PDE4D: variants seen among roughly 807,000 people sequenced by gnomAD.
PDE4D encodes phosphodiesterase 4D, also known as 3',5'-cyclic-AMP phosphodiesterase 4D.
A neutral mutation model predicts 87.4 loss-of-function variants in PDE4D; 24 were observed. The observed-to-expected ratio is 0.27, with a 90% CI of 0.20 to 0.39. The LOEUF (loss-of-function observed/expected upper bound fraction) is 0.39. Among genes scored for constraint, PDE4D ranks in the 10% least tolerant of loss-of-function variants. The pLI is 1.00. For missense variants in PDE4D, 714 were observed against 1,041.0 expected (o/e 0.69, Z 4.32); for synonymous variants, 384 against 383.2 (o/e 1.00, Z -0.02).
At chr5:60,089,818 G>C (rs1304571824) in intron 2 of PDE4D, among the ~76,000 whole-genome samples, 1 of 149,252 alleles carries the variant, frequency 6.7e-6, no homozygotes, top group Non-Finnish European at 1.5e-5. Flanking sequence ...AATAAAGTCA[G>C]AGATGAAAAA....
intron 1 of PDE4D, among the ~76,000 whole-genome samples, chr5:59,425,464 T>C (rs779928663): frequency 7.2e-5 from 11 of 152,102 alleles, no homozygotes; most frequent in Non-Finnish European, 1.0e-4. Context: ...TTCCCACTTA[T>C]TACAATAAAA....
rs1207988214 is a variant in PDE4D at position 60,160,775 on chromosome 5, C to T, written c.42+24782G>A. The T allele has an allele frequency of 2.7e-5, 12 of 447,228 alleles. No individual in the cohort carries two copies. The East Asian group carries it at 7.9e-4, about 29-fold the overall frequency. 27.7% of individuals were successfully genotyped at this position (447,228 alleles called of 1,614,324 possible). ...GAAATACTTCTTCTCTCACCTTTTCCCTAGTATTCCTGTCTTCCTCTCCAC... is the reference window on the plus strand; with the variant it reads ...GAAATACTTCTTCTCTCACCTTTTCTCTAGTATTCCTGTCTTCCTCTCCAC... On this transcript the variant is annotated intron_variant, in intron 2 of 16. Transcript: ENST00000502484.
chr5:59,214,691 AT>A (rs1750841081), intron 2 of PDE4D, among the ~76,000 whole-genome samples: 1 of 152,246 alleles, frequency 6.6e-6, no homozygotes, highest in African/African-American at 2.4e-5. Context: ...GATAAAAATA[AT>A]GTAAAAATAG....
At position 59,091,684 on chromosome 5, in the gene PDE4D, G is replaced by A. The variant is rs376476843; in HGVS notation, c.809-52713C>T. On this transcript the variant is annotated intron_variant, in intron 5 of 14. Coordinates refer to ENST00000340635, the MANE Select transcript of PDE4D (RefSeq NM_001104631.2). ...AAGATAGTGGTGACCTATCTGGAGA[G>A]GATGAAACAGGAAATTATAGGGTCT... 4.6e-5 allele frequency among the ~76,000 whole-genome samples: 7 copies of A among 152,164 alleles called. No individual in the cohort carries two copies. The South Asian group carries it at 8.3e-4, about 18-fold the overall frequency.
At chr5:60,468,157 G>A (rs1174774534) in intron 1 of PDE4D, among the ~76,000 whole-genome samples, 1 of 61,872 alleles carries the variant, frequency 1.6e-5, no homozygotes, top group Non-Finnish European at 3.0e-5. Context: ...TGTTTTTTTT[G>A]AGACAAGGTC....
At chr5:59,281,473 A>G (rs1369070273) in intron 1 of PDE4D, among the ~76,000 whole-genome samples, 1 of 152,196 alleles carries the variant, frequency 6.6e-6, no homozygotes, top group African/African-American at 2.4e-5. Flanking sequence ...AAGCATACGC[A>G]TTTACAAATT....
chr5:60,092,650 T>C (rs1048423184), intron 2 of PDE4D, among the ~76,000 whole-genome samples: 2 of 151,624 alleles, frequency 1.3e-5, no homozygotes, highest in African/African-American at 4.8e-5. Context: ...AAAAACACTC[T>C]GAACACTCTT....
At chr5:59,209,654 A>T (rs760571446) in intron 2 of PDE4D, among the ~76,000 whole-genome samples, 7 of 152,212 alleles carry the variant, frequency 4.6e-5, no homozygotes, top group Non-Finnish European at 1.0e-4. Flanking sequence ...TAACTTAATA[A>T]GGTTTTGTTC....
intron 1 of PDE4D, among the ~76,000 whole-genome samples, chr5:59,302,044 G>A (rs1447242237): frequency 3.3e-5 from 5 of 151,388 alleles, no homozygotes; most frequent in South Asian, 2.1e-4. Context: ...GGGGCAAAAC[G>A]TCAGAGTTTG....
At chr5:59,850,670 T>C (rs1335197108) in intron 1 of PDE4D, among the ~76,000 whole-genome samples, 1 of 151,928 alleles carries the variant, frequency 6.6e-6, no homozygotes, top group Non-Finnish European at 1.5e-5. Context: ...ATGGTACAGA[T>C]TATGTCCTCA....
intron 5 of PDE4D, among the ~76,000 whole-genome samples, chr5:59,145,576 A>G (rs1294210147): frequency 1.3e-5 from 2 of 152,200 alleles, no homozygotes; most frequent in Non-Finnish European, 2.9e-5. Flanking sequence ...GATCTTTCCT[A>G]AAGATATAAG....
chr5:59,147,923 T>C (rs898707792), intron 5 of PDE4D, among the ~76,000 whole-genome samples: 1 of 152,218 alleles, frequency 6.6e-6, no homozygotes, highest in African/African-American at 2.4e-5. Flanking sequence ...TCAATGAAGA[T>C]AACCAGTTAC....
chr5:58,992,930 A>T (rs4699930), intron 7 of PDE4D, among the ~76,000 whole-genome samples: 131,783 of 152,148 alleles, frequency 0.87, 57,154 homozygotes, highest in African/African-American at 0.91. Flanking sequence ...TTATTTAGCA[A>T]TTGTATTTTA....
At chr5:60,372,115 C>T (rs913830171) in intron 1 of PDE4D, among the ~76,000 whole-genome samples, 14 of 152,054 alleles carry the variant, frequency 9.2e-5, no homozygotes, top group Admixed American at 3.3e-4. Context: ...GCTGCCCCAC[C>T]GTCTCACAAC....
chr5:59,239,262 T>C (rs1757142858), intron 1 of PDE4D, among the ~76,000 whole-genome samples: 2 of 152,214 alleles, frequency 1.3e-5, no homozygotes, highest in South Asian at 2.1e-4. Context: ...ACATCTTTCA[T>C]AGCTTTGGCA....
intron 1 of PDE4D, among the ~76,000 whole-genome samples, chr5:59,620,300 G>A (rs1290851242): frequency 1.3e-5 from 2 of 152,158 alleles, no homozygotes; most frequent in Admixed American, 1.3e-4. Flanking sequence ...TTAAAAATGG[G>A]GAGATCACAC....
At chr5:59,191,200 T>C (rs1281880673) in intron 3 of PDE4D, among the ~76,000 whole-genome samples, 1 of 152,110 alleles carries the variant, frequency 6.6e-6, no homozygotes, top group Non-Finnish European at 1.5e-5. Context: ...TTTTTTTCCT[T>C]GGAGATTATA....
chr5:59,308,289 C>T (rs62358008), intron 1 of PDE4D, among the ~76,000 whole-genome samples: 28 of 151,294 alleles, frequency 1.9e-4, no homozygotes, highest in Non-Finnish European at 3.4e-4. Flanking sequence ...TGCAGCACAC[C>T]GGCATGGCAC....
At chr5:59,291,508 T>C (rs1422369613) in intron 1 of PDE4D, among the ~76,000 whole-genome samples, 1 of 152,136 alleles carries the variant, frequency 6.6e-6, no homozygotes, top group East Asian at 1.9e-4. Flanking sequence ...AGAGCTAATA[T>C]TTGATAGTAC....
Sources: gnomAD v4.1 joint callset for allele counts (sites outside exome capture counted in the v4.1 genomes callset) on GRCh38, gnomAD v4.1.1 for gene constraint, MANE v1.5 for transcripts, NCBI Gene and HGNC (gene_info 2026-07-23, HGNC 2026-07-21) for gene names.